Variants in ITPK1 observed in about 807,000 individuals in gnomAD.
The protein encoded by ITPK1 is inositol-tetrakisphosphate 1-kinase, also known as inositol 1,3,4-trisphosphate 5/6-kinase.
ITPK1 carries 21 observed loss-of-function variants against 45.3 expected under a neutral mutation model. The observed-to-expected ratio is 0.46, with a 90% CI of 0.33 to 0.67. The LOEUF (loss-of-function observed/expected upper bound fraction) is 0.67. Among genes scored for constraint, ITPK1 ranks in the 30% least tolerant of loss-of-function variants. ITPK1 has a pLI of 0.02. For missense variants in ITPK1, 474 were observed against 573.5 expected (o/e 0.83, Z 1.77); for synonymous variants, 258 against 253.6 (o/e 1.02, Z -0.16).
In ITPK1 at chr14:93,012,066, A is replaced by G. The variant is rs1887938186; in HGVS notation, c.246+4610T>C. Among the ~76,000 whole-genome samples, 2 of 152,060 alleles carry G rather than the reference A, an allele frequency of 1.3e-5. No homozygotes were observed. Among genetic ancestry groups the G allele is most frequent in the Admixed American group, 6.6e-5 (1 of 15,266 alleles). ...CCTCCCTCCCCGCTCCAAGCAGCCC[A>G]GCAGAGCCACGTCCTCCCTCCGCAA... On this transcript the variant is annotated intron_variant, in intron 4 of 10. Transcript: ENST00000267615. This position sits in a 1 kb window ranked among gnomAD's most constrained non-coding sequence, Gnocchi z 4.9.
Position 93,014,272 on chromosome 14 carries a change from C to T in ITPK1, c.246+2404G>A, listed in dbSNP as rs758018331. On this transcript the variant is annotated intron_variant, in intron 4 of 10. Coordinates refer to ENST00000267615, the MANE Select transcript of ITPK1 (RefSeq NM_014216.6). This position sits in a 1 kb window ranked among gnomAD's most constrained non-coding sequence, Gnocchi z 4.4. ...GGCCCCATGCTGCCCTCCACACACG[C>T]TCCCTGTTAATATTGTTTTCTGCCC... Among the ~76,000 whole-genome samples, 1 of 152,180 alleles carries T rather than the reference C, an allele frequency of 6.6e-6. No homozygotes were observed. The highest frequency in any genetic ancestry group is 2.4e-5 in the African/African-American group (1 of 41,442).
chr14:93,005,190 G>C (rs776959398), intron 4 of ITPK1, among the ~76,000 whole-genome samples: 55 of 152,112 alleles, frequency 3.6e-4, no homozygotes, highest in Middle Eastern at 3.2e-3. Context: ...CTGGCCTTAG[G>C]GGTATGTGTG....
At chr14:93,111,198 G>A (rs749145391) in intron 2 of ITPK1, among the ~76,000 whole-genome samples, 4 of 152,074 alleles carry the variant, frequency 2.6e-5, no homozygotes, top group Non-Finnish European at 4.4e-5. Flanking sequence ...TGCCTCTTCC[G>A]CCCCCACCTC....
intron 6 of ITPK1, 99 bp downstream of exon 6, chr14:92,962,652 T>G: frequency 1.1e-6 from 1 of 941,662 alleles, no homozygotes; most frequent in Non-Finnish European, 1.7e-6. Flanking sequence ...CATCCTCGGG[T>G]GAGCTTAAAT....
At chr14:93,055,194 G>A (rs1044365190) in intron 3 of ITPK1, among the ~76,000 whole-genome samples, 5 of 152,154 alleles carry the variant, frequency 3.3e-5, no homozygotes, top group African/African-American at 9.7e-5. Context: ...GGTCATGTAC[G>A]TACCCATTCT....
chr14:93,009,884 G>A (rs1887805361), intron 4 of ITPK1, among the ~76,000 whole-genome samples: 1 of 152,094 alleles, frequency 6.6e-6, no homozygotes, highest in African/African-American at 2.4e-5. Context: ...TGTCACCAAA[G>A]CCCCTCCGAG....
chr14:92,973,676 G>A (rs1277393187), intron 5 of ITPK1, among the ~76,000 whole-genome samples: 2 of 152,188 alleles, frequency 1.3e-5, no homozygotes, highest in Non-Finnish European at 2.9e-5. Flanking sequence ...ATGGCTTTTT[G>A]GCCAGCGATG....
At chr14:93,047,741 T>G (rs141539434) in intron 3 of ITPK1, among the ~76,000 whole-genome samples, 1 of 152,196 alleles carries the variant, frequency 6.6e-6, no homozygotes, top group Non-Finnish European at 1.5e-5. Context: ...TGACCTGTTA[T>G]GGCATTCCTA....
rs111286319 is a variant in ITPK1 at position 92,961,683 on chromosome 14, C to A, written c.504+672G>T. 2.0e-3 allele frequency among the ~76,000 whole-genome samples: 307 copies of A among 152,324 alleles called. 1 individual carries two copies. Among genetic ancestry groups the A allele is most frequent in the African/African-American group, 6.8e-3 (284 of 41,574 alleles). ...CCAAAGGATAGCCAGCCCTGCAGGGCGGGCCGGACTGAGGCATGACTCGCA... is the reference window on the plus strand; with the variant it reads ...CCAAAGGATAGCCAGCCCTGCAGGGAGGGCCGGACTGAGGCATGACTCGCA... On this transcript the variant is annotated intron_variant, in intron 7 of 10. Coordinates refer to ENST00000267615, the MANE Select transcript of ITPK1 (RefSeq NM_014216.6).
intron 2 of ITPK1, among the ~76,000 whole-genome samples, chr14:93,102,961 A>G (rs367933050): frequency 6.6e-6 from 1 of 151,722 alleles, no homozygotes; most frequent in Non-Finnish European, 1.5e-5. Flanking sequence ...TTAGCCGGGC[A>G]TGGTGGCAGG....
At chr14:93,041,438 GA>G (rs1889557058) in intron 3 of ITPK1, among the ~76,000 whole-genome samples, 2 of 152,232 alleles carry the variant, frequency 1.3e-5, no homozygotes, top group South Asian at 4.1e-4. Context: ...GTGAGCACCA[GA>G]ACCTTCCTGG....
At chr14:93,099,810 T>A (rs34269820) in intron 2 of ITPK1, among the ~76,000 whole-genome samples, 23,688 of 151,676 alleles carry the variant, frequency 0.16, 2,204 homozygotes, top group South Asian at 0.28. Flanking sequence ...CAGCACAGGG[T>A]AGGCCAGCCT....
chr14:93,055,684 C>T (rs1285192799), intron 3 of ITPK1, among the ~76,000 whole-genome samples: 1 of 152,210 alleles, frequency 6.6e-6, no homozygotes, highest in Non-Finnish European at 1.5e-5. Flanking sequence ...CCTCCCACAG[C>T]GCCTTTCCAA....
chr14:93,012,452 G>A lies in ITPK1; in HGVS notation c.246+4224C>T, dbSNP rs764258284. ...GCAGCTGCTGAGGGGGCCAGGGAAG[G>A]AGCGGGTGGGGCAGATCACCGAGGC... On this transcript the variant is annotated intron_variant, in intron 4 of 10. Coordinates refer to ENST00000267615, the MANE Select transcript of ITPK1 (RefSeq NM_014216.6). This position sits in a 1 kb window ranked among gnomAD's most constrained non-coding sequence, Gnocchi z 4.9. Among the ~76,000 whole-genome samples, 5 of 152,220 alleles carry A rather than the reference G, an allele frequency of 3.3e-5. No individual in the cohort carries two copies. The highest frequency in any genetic ancestry group is 5.9e-5 in the Non-Finnish European group (4 of 68,040).
At chr14:93,058,138 C>T (rs948121684) in intron 3 of ITPK1, among the ~76,000 whole-genome samples, 1 of 152,002 alleles carries the variant, frequency 6.6e-6, no homozygotes, top group African/African-American at 2.4e-5. Context: ...AAGGGCTGAG[C>T]CCCTGTTAGG....
intron 4 of ITPK1, among the ~76,000 whole-genome samples, chr14:93,015,850 C>T (rs777008992): frequency 4.6e-5 from 7 of 152,160 alleles, no homozygotes; most frequent in African/African-American, 1.7e-4. Context: ...GACTAGGAGG[C>T]GGGTAAGATT....
At chr14:92,990,068 C>G (rs1297322730) in intron 5 of ITPK1, among the ~76,000 whole-genome samples, 1 of 152,210 alleles carries the variant, frequency 6.6e-6, no homozygotes. Context: ...AAAACTCGTT[C>G]TAGCCCTTCT....
At chr14:93,026,749 T>C (rs4905037) in intron 3 of ITPK1, among the ~76,000 whole-genome samples, 3,815 of 152,114 alleles carry the variant, frequency 0.025, 90 homozygotes, top group Admixed American at 0.084. Context: ...AAGATCCATA[T>C]GGTGGAAGAC....
At chr14:93,105,321 C>A (rs1474446733) in intron 2 of ITPK1, among the ~76,000 whole-genome samples, 2 of 152,200 alleles carry the variant, frequency 1.3e-5, no homozygotes, top group Non-Finnish European at 2.9e-5. Flanking sequence ...CCTTGGCTAA[C>A]TCGGTGCTTC....
Sources: allele counts gnomAD v4.1 joint callset (sites outside exome capture counted in the v4.1 genomes callset), GRCh38; gene constraint gnomAD v4.1.1; non-coding constraint Gnocchi (gnomAD v3.1); transcripts MANE v1.5; gene names NCBI Gene and HGNC (gene_info 2026-07-23, HGNC 2026-07-21).